The following AGO3 variants were observed in gnomAD, a reference collection of about 807,000 sequenced individuals.
The protein encoded by AGO3 is protein argonaute-3.
AGO3 carries 16 observed loss-of-function variants against 105.5 expected under a neutral mutation model. The ratio of observed to expected loss-of-function variants is 0.15; its 90% CI spans 0.10 to 0.23. The LOEUF (loss-of-function observed/expected upper bound fraction) is 0.23. Among genes scored for constraint, AGO3 ranks in the 10% least tolerant of loss-of-function variants. The pLI, the probability that AGO3 is intolerant of heterozygous loss-of-function variation, is 1.00. For missense variants in AGO3, 534 were observed against 1,088.0 expected (o/e 0.49, Z 7.16); for synonymous variants, 340 against 367.3 (o/e 0.93, Z 0.85).
Position 36,070,154 on chromosome 1 carries a change from A to G in AGO3, c.*14409A>G, listed in dbSNP as rs961577924. On this transcript the variant is annotated 3_prime_UTR_variant, in exon 19 of 19. Transcript: ENST00000373191. The stretch of plus-strand genomic sequence containing the variant: ...TTGCTACATGTTAGCATCAGAGGCT[A>G]TTGTACAACTAGATGGTTATTCCCT... The G allele has an allele frequency of 1.9e-4, 29 of 152,188 alleles. No homozygotes were observed. The highest frequency in any genetic ancestry group is 6.3e-4 in the African/African-American group (26 of 41,452). 9.4% of individuals were successfully genotyped at this position (152,188 alleles called of 1,614,324 possible).
chr1:35,944,457 A>C (rs546983284), intron 1 of AGO3, among the ~76,000 whole-genome samples: 1 of 150,574 alleles, frequency 6.6e-6, no homozygotes, highest in South Asian at 2.1e-4. Flanking sequence ...AGCTGTAGTG[A>C]CTTTTTTTCA....
At chr1:35,932,486 A>C (rs1268200955) in intron 1 of AGO3, among the ~76,000 whole-genome samples, 1 of 152,188 alleles carries the variant, frequency 6.6e-6, no homozygotes, top group East Asian at 1.9e-4. Flanking sequence ...ACTTTGTTGA[A>C]TAGATTACGT....
In AGO3 at chr1:35,959,530, T is replaced by A. The variant is rs1013012348; in HGVS notation, c.192-7425T>A. Among the ~76,000 whole-genome samples the A allele has an allele frequency of 2.0e-5, 3 of 152,320 alleles. No individual in the cohort carries two copies. The South Asian group carries it at 6.2e-4, about 32-fold the overall frequency. On this transcript the variant is annotated intron_variant, in intron 2 of 18. Coordinates refer to ENST00000373191, the MANE Select transcript of AGO3 (RefSeq NM_024852.4). ...TCAGATTTTATTTCCCAAATTACTTTCCCAAGCACTGTTTTAGAAGTTAAA... is the reference window on the plus strand; with the variant it reads ...TCAGATTTTATTTCCCAAATTACTTACCCAAGCACTGTTTTAGAAGTTAAA...
rs983697627 is a variant in AGO3 at position 35,985,945 on chromosome 1, C to A, written c.658+12434C>A. ...TAGCCAGTAAACACATGAAAAGATT[C>A]TCATTCATTAATAATCAAGAACTTG... is the stretch of plus-strand genomic sequence containing the variant. On this transcript the variant is annotated intron_variant, in intron 5 of 18. Transcript: ENST00000373191. Among the ~76,000 whole-genome samples, 5 of 152,320 alleles carry A rather than the reference C, an allele frequency of 3.3e-5. No homozygotes were observed. In the East Asian group the frequency reaches 9.6e-4, roughly 29 times the overall value.
intron 5 of AGO3, among the ~76,000 whole-genome samples, chr1:36,000,640 AAATT>A (rs2148805044): frequency 6.6e-6 from 1 of 152,214 alleles, no homozygotes; most frequent in Admixed American, 6.5e-5. Flanking sequence ...TACTTTTTAA[AAATT>A]AACCCAGATC....
intron 1 of AGO3, among the ~76,000 whole-genome samples, chr1:35,934,718 T>C (rs1186694644): frequency 6.6e-6 from 1 of 152,166 alleles, no homozygotes; most frequent in Non-Finnish European, 1.5e-5. Context: ...TGGCATGATA[T>C]TGGCTCACTG....
At chr1:35,977,580 A>G (rs779280231) in intron 5 of AGO3, among the ~76,000 whole-genome samples, 1 of 151,902 alleles carries the variant, frequency 6.6e-6, no homozygotes, top group Non-Finnish European at 1.5e-5. Context: ...TTTTGTAGAG[A>G]CAAGATTTCA....
At chr1:35,971,534 C>G (rs1462283560) in intron 3 of AGO3, among the ~76,000 whole-genome samples, 2 of 151,702 alleles carry the variant, frequency 1.3e-5, no homozygotes, top group East Asian at 1.9e-4. Context: ...AACATATACT[C>G]AGAATTGTTC....
Position 36,070,880 on chromosome 1 carries a change from A to G in AGO3, c.*15135A>G, listed in dbSNP as rs1643153534. 6.6e-6 allele frequency: 1 copy of G among 152,242 alleles called. No individual in the cohort carries two copies. Among genetic ancestry groups the G allele is most frequent in the Non-Finnish European group, 1.5e-5 (1 of 68,046 alleles). 9.4% of individuals were successfully genotyped at this position (152,242 alleles called of 1,614,324 possible). On this transcript the variant is annotated 3_prime_UTR_variant, in exon 19 of 19. Transcript: ENST00000373191. ...GTCTCTTTTCAGTTATGGACCCATA[A>G]AAGTATTCCTATATCTTGTGAATAA...
At chr1:36,022,423 T>C (rs1377516706) in intron 11 of AGO3, among the ~76,000 whole-genome samples, 10 of 152,168 alleles carry the variant, frequency 6.6e-5, no homozygotes. Context: ...TACTATAATT[T>C]TAAATTACAT....
chr1:36,013,402 C>A, intron 9 of AGO3: 1 of 471,938 alleles, frequency 2.1e-6, no homozygotes, highest in Non-Finnish European at 3.8e-6. Context: ...CTAATGCATA[C>A]ATACAAATTT....
chr1:35,934,272 A>G (rs1191110039), intron 1 of AGO3, among the ~76,000 whole-genome samples: 1 of 152,240 alleles, frequency 6.6e-6, no homozygotes, highest in African/African-American at 2.4e-5. Flanking sequence ...CGTTTAGGAC[A>G]GAGGAACTAC....
intron 5 of AGO3, among the ~76,000 whole-genome samples, chr1:35,994,406 C>G (rs983115090): frequency 6.6e-6 from 1 of 152,114 alleles, no homozygotes; most frequent in Non-Finnish European, 1.5e-5. Context: ...ATTAAAAACA[C>G]TTAGAAAAGC....
intron 11 of AGO3, among the ~76,000 whole-genome samples, chr1:36,017,330 A>G (rs1640957710): frequency 6.6e-6 from 1 of 152,168 alleles, no homozygotes; most frequent in African/African-American, 2.4e-5. Context: ...TGTTTCAACC[A>G]AGCACCCTGT....
At chr1:35,987,066 G>A (rs1407958759) in intron 5 of AGO3, among the ~76,000 whole-genome samples, 3 of 147,766 alleles carry the variant, frequency 2.0e-5, no homozygotes, top group Non-Finnish European at 4.5e-5. Context: ...GGTGGCTCAT[G>A]CCTGTAACCC....
In AGO3 at chr1:36,067,310, T is replaced by G. The variant is rs957959644; in HGVS notation, c.*11565T>G. ...GAGTTTAACAAAAGGAAGCTTTGGTTTTGCTAGCAACAGACTTGATCTTCT... is the reference window on the plus strand; with the variant it reads ...GAGTTTAACAAAAGGAAGCTTTGGTGTTGCTAGCAACAGACTTGATCTTCT... On this transcript the variant is annotated 3_prime_UTR_variant, in exon 19 of 19. Transcript: ENST00000373191. 2.0e-5 allele frequency: 3 copies of G among 151,732 alleles called. No individual in the cohort carries two copies. The highest frequency in any genetic ancestry group is 7.2e-5 in the African/African-American group (3 of 41,428). The allele number at this position is 151,732 out of a possible 1,614,324, so 9.4% of individuals were successfully genotyped here.
rs1640477889 is a variant in AGO3, at chr1:36,009,254, G to A, written c.1029+210G>A. ...CTAATGTAACCACTGTTAACATTTT[G>A]GTATACTATACTTCTTTCAGTCTTC... On this transcript the variant is annotated intron_variant, in intron 8 of 18. Transcript: ENST00000373191. The A allele has an allele frequency of 5.0e-6, 4 of 807,494 alleles. No individual in the cohort carries two copies. The African/African-American group carries it at 5.4e-5, about 11-fold the overall frequency. 50.0% of individuals were successfully genotyped at this position (807,494 alleles called of 1,614,324 possible).
chr1:35,941,718 C>T (rs1345801400), intron 1 of AGO3, among the ~76,000 whole-genome samples: 1 of 152,134 alleles, frequency 6.6e-6, no homozygotes, highest in Non-Finnish European at 1.5e-5. Context: ...GCAGGCCAGG[C>T]TTGGTGGCTC....
Position 36,009,017 on chromosome 1 carries a change from A to G in AGO3, c.1002A>G (p.Glu334=), listed in dbSNP as rs74645199. The change falls in exon 8 of 19, where the codon GAA becomes GAG. Residue 334 remains glutamate (E), a synonymous_variant. Coordinates refer to ENST00000373191, the MANE Select transcript of AGO3 (RefSeq NM_024852.4). ...PHLPCLQVGQ[E]QKHTYLPLEV... ...TTCCCTGTCTGCAAGTCGGGCAGGA[A>G]CAGAAACACACCTACCTGCCACTAG... 2,622 of 1,583,628 alleles carry G rather than the reference A, an allele frequency of 1.7e-3. 28 individuals carry two copies. The African/African-American group carries it at 0.031, about 19-fold the overall frequency.
Sources: gnomAD v4.1 joint callset for allele counts (sites outside exome capture counted in the v4.1 genomes callset) on GRCh38, gnomAD v4.1.1 for gene constraint, MANE v1.5 for transcripts, NCBI Gene and HGNC (gene_info 2026-07-23, HGNC 2026-07-21) for gene names.